The following LRRC4C variants were observed in gnomAD, a reference collection of about 807,000 sequenced individuals.
LRRC4C encodes leucine-rich repeat-containing protein 4C.
Under a neutral mutation model 33.6 loss-of-function variants are expected in LRRC4C, and 5 were observed. That is an observed-to-expected ratio of 0.15 (90% CI 0.08 to 0.31). The LOEUF (loss-of-function observed/expected upper bound fraction) is 0.31, where lower values mean the gene tolerates loss of function less well. LRRC4C is among the 10% of genes least tolerant of loss of function. The pLI, the probability that LRRC4C is intolerant of heterozygous loss-of-function variation, is 1.00. For missense variants in LRRC4C, 560 were observed against 796.7 expected, an observed-to-expected ratio of 0.70 and a Z score of 3.58; for synonymous variants, 329 against 302.0, an observed-to-expected ratio of 1.09 and a Z score of -0.93.
At chr11:41,264,660 A>G (rs1305847833) in intron 1 of LRRC4C, among the ~76,000 whole-genome samples, 2 of 152,140 alleles carry the variant, frequency 1.3e-5, no homozygotes, top group African/African-American at 2.4e-5. Flanking sequence ...TATAAGAAAC[A>G]AGTAGTATAT....
At chr11:40,769,690 A>G (rs1196349545) in intron 2 of LRRC4C, among the ~76,000 whole-genome samples, 1 of 152,178 alleles carries the variant, frequency 6.6e-6, no homozygotes, top group Admixed American at 6.5e-5. Flanking sequence ...TCTACCATGA[A>G]CTCATTTTTG....
At chr11:41,347,763 T>G (rs539630560) in intron 1 of LRRC4C, among the ~76,000 whole-genome samples, 1 of 152,292 alleles carries the variant, frequency 6.6e-6, no homozygotes, top group South Asian at 2.1e-4. Flanking sequence ...AGAGTTTATC[T>G]CCTATCCACA....
At chr11:40,287,546 T>TAAGC (rs1014253417) in intron 4 of LRRC4C, among the ~76,000 whole-genome samples, 1 of 152,160 alleles carries the variant, frequency 6.6e-6, no homozygotes, top group African/African-American at 2.4e-5. Flanking sequence ...GAAAGTGTTA[T>TAAGC]AAGCACAGTG....
At chr11:40,397,605 G>A (rs977078918) in intron 3 of LRRC4C, among the ~76,000 whole-genome samples, 25 of 152,056 alleles carry the variant, frequency 1.6e-4, no homozygotes, top group African/African-American at 5.8e-4. Flanking sequence ...TGGGTAAAAA[G>A]CATGTTTTAT....
At chr11:40,696,650 G>A (rs1945551138) in intron 2 of LRRC4C, among the ~76,000 whole-genome samples, 1 of 148,142 alleles carries the variant, frequency 6.8e-6, no homozygotes, top group Non-Finnish European at 1.5e-5. Context: ...TCTGTTTTAA[G>A]GAGAAAACAT....
intron 1 of LRRC4C, among the ~76,000 whole-genome samples, chr11:41,311,760 G>A (rs555211814): frequency 6.6e-6 from 1 of 152,260 alleles, no homozygotes; most frequent in Admixed American, 6.5e-5. Context: ...CAAATGTAAA[G>A]CATGTAAGAT....
chr11:40,434,450 C>T (rs7945754), intron 3 of LRRC4C, among the ~76,000 whole-genome samples: 5,553 of 152,260 alleles, frequency 0.036, 339 homozygotes, highest in African/African-American at 0.13. Flanking sequence ...CTTAATTTCC[C>T]TGGAGGGCTC....
At chr11:41,189,845 C>G (rs1945865829) in intron 1 of LRRC4C, among the ~76,000 whole-genome samples, 1 of 152,228 alleles carries the variant, frequency 6.6e-6, no homozygotes, top group South Asian at 2.1e-4. Flanking sequence ...GCCTAGCTAG[C>G]TCCCATTGCA....
chr11:41,404,757 A>G (rs1954165983), intron 1 of LRRC4C, among the ~76,000 whole-genome samples: 1 of 152,056 alleles, frequency 6.6e-6, no homozygotes, highest in Non-Finnish European at 1.5e-5. Context: ...TAAGTTAGTC[A>G]TAGGATATTT....
Position 40,702,275 on chromosome 11 carries a change from A to G in LRRC4C, c.-406-53997T>C, listed in dbSNP as rs1382407768. 3.3e-5 allele frequency among the ~76,000 whole-genome samples: 5 copies of G among 152,156 alleles called. No individual in the cohort carries two copies. The East Asian group carries it at 9.6e-4, about 29-fold the overall frequency. On this transcript the variant is annotated intron_variant, in intron 2 of 6. Coordinates refer to ENST00000528697, the MANE Select transcript of LRRC4C (RefSeq NM_001258419.2). ...TGCTTTTATCCAACACCATAGCAACAGGGCACTCTAATTAGCTTCCAGAAG... is the reference window on the plus strand; with the variant it reads ...TGCTTTTATCCAACACCATAGCAACGGGGCACTCTAATTAGCTTCCAGAAG...
At chr11:40,141,241 A>C (rs548589601) in intron 5 of LRRC4C, among the ~76,000 whole-genome samples, 1 of 152,270 alleles carries the variant, frequency 6.6e-6, no homozygotes, top group Non-Finnish European at 1.5e-5. Context: ...TCAATTATTA[A>C]AGTCAAATGG....
intron 2 of LRRC4C, among the ~76,000 whole-genome samples, chr11:40,687,425 C>T (rs1208109441): frequency 1.3e-5 from 2 of 151,892 alleles, no homozygotes; most frequent in African/African-American, 4.8e-5. Flanking sequence ...TAGATCGATC[C>T]TCTTTTCAAT....
At chr11:41,387,853 T>C (rs544502161) in intron 1 of LRRC4C, among the ~76,000 whole-genome samples, 1 of 151,934 alleles carries the variant, frequency 6.6e-6, no homozygotes, top group South Asian at 2.1e-4. Context: ...ACCATTCTCC[T>C]GGGATGTCAC....
intron 1 of LRRC4C, among the ~76,000 whole-genome samples, chr11:41,003,704 G>T (rs1021427805): frequency 3.3e-5 from 5 of 151,624 alleles, no homozygotes; most frequent in Admixed American, 2.6e-4. Flanking sequence ...ACATCATGAG[G>T]TCATCTGGTA....
intron 3 of LRRC4C, among the ~76,000 whole-genome samples, chr11:40,374,088 A>G (rs1948567320): frequency 6.6e-6 from 1 of 152,228 alleles, no homozygotes; most frequent in Non-Finnish European, 1.5e-5. Flanking sequence ...TTTAACAACA[A>G]CAAGCTTTGT....
intron 5 of LRRC4C, among the ~76,000 whole-genome samples, chr11:40,195,360 C>T (rs908434616): frequency 1.3e-5 from 2 of 151,988 alleles, no homozygotes; most frequent in African/African-American, 2.4e-5. Flanking sequence ...GGAATAAGAA[C>T]CCAATTAGAT....
At chr11:41,409,838 A>T (rs1954394459) in intron 1 of LRRC4C, among the ~76,000 whole-genome samples, 1 of 152,220 alleles carries the variant, frequency 6.6e-6, no homozygotes, top group African/African-American at 2.4e-5. Context: ...GCGAAAAAAA[A>T]TGAACTGAAT....
chr11:40,413,046 T>C (rs898009024), intron 3 of LRRC4C, among the ~76,000 whole-genome samples: 20 of 152,198 alleles, frequency 1.3e-4, no homozygotes, highest in African/African-American at 4.6e-4. Context: ...CAGAGGCCTA[T>C]TTATTTAGGC....
chr11:40,937,089 A>T (rs1288065689), intron 1 of LRRC4C, among the ~76,000 whole-genome samples: 1 of 152,224 alleles, frequency 6.6e-6, no homozygotes, highest in African/African-American at 2.4e-5. Flanking sequence ...GGCAGATTGG[A>T]TAAAGAAAAT....
Sources: allele counts gnomAD v4.1 joint callset (sites outside exome capture counted in the v4.1 genomes callset), GRCh38; gene constraint gnomAD v4.1.1; transcripts MANE v1.5; gene names NCBI Gene and HGNC (gene_info 2026-07-23, HGNC 2026-07-21).